The following C18orf54 variants were observed in gnomAD, a reference collection of about 807,000 sequenced individuals.
C18orf54 encodes chromosome 18 open reading frame 54.
A neutral mutation model predicts 49.3 loss-of-function variants in C18orf54; 49 were observed. The observed-to-expected ratio is 0.99, with a 90% CI of 0.79 to 1.26. The LOEUF is 1.26. C18orf54 is among the 50% of genes most tolerant of loss of function. C18orf54 has a pLI of 0.00. For synonymous variants in C18orf54, 211 were observed against 216.6 expected (o/e 0.97, Z 0.23); for missense variants, 687 against 620.6 (o/e 1.11, Z -1.14).
chr18:54,372,205 C>A (rs912184820), intron 6 of C18orf54, among the ~76,000 whole-genome samples: 1 of 151,910 alleles, frequency 6.6e-6, no homozygotes, highest in East Asian at 1.9e-4. Flanking sequence ...TAAATATAAA[C>A]GTGCACTATT....
chr18:54,362,282 G>A lies in C18orf54; in HGVS notation c.923G>A (p.Cys308Tyr). ...GTSRLINKLDCFEYAFEPSNF... is the reference protein window; with the variant it reads ...GTSRLINKLDYFEYAFEPSNF... Reference sequence around the variant, plus strand: ...TCTCGGCTTATCAATAAATTAGATTGTTTTGAATATGCTTTTGAACCCTCA... The same window carrying A: ...TCTCGGCTTATCAATAAATTAGATTATTTTGAATATGCTTTTGAACCCTCA... The change falls in exon 4 of 9, where the codon TGT becomes TAT. Residue 308 changes from cysteine to tyrosine, a missense_variant. Transcript: ENST00000620105. 1.3e-6 allele frequency: 2 copies of A among 1,536,372 alleles called. No individual in the cohort carries two copies. The highest frequency in any genetic ancestry group is 1.7e-6 in the Non-Finnish European group (2 of 1,146,932).
At chr18:54,371,774 C>CTAGA (rs2089489886) in intron 6 of C18orf54, among the ~76,000 whole-genome samples, 1 of 152,098 alleles carries the variant, frequency 6.6e-6, no homozygotes, top group South Asian at 2.1e-4. Flanking sequence ...TTACAGACAT[C>CTAGA]TGTACAGTCC....
chr18:54,361,406 A>C (rs562331480), intron 3 of C18orf54, among the ~76,000 whole-genome samples: 1 of 152,332 alleles, frequency 6.6e-6, no homozygotes, highest in African/African-American at 2.4e-5. Context: ...TAAATTAGAG[A>C]ACACAGGAAA....
intron 4 of C18orf54, 26 bp from the exon 5 acceptor site, chr18:54,362,745 G>A (rs765556175): frequency 5.7e-6 from 9 of 1,586,056 alleles, no homozygotes; most frequent in Non-Finnish European, 7.7e-6. Flanking sequence ...TTTCTTCAAG[G>A]ATTAATAGTC....
Position 54,361,787 on chromosome 18 carries a change from G to A in C18orf54, c.428G>A (p.Gly143Glu). ...GGATCATTTTCTTATACTTATGTTG[G>A]ACCGAGTCACCGAACGAGCAAGAAA... ...ADGSFSYTYV[G>E]PSHRTSKKNK... Residue 143 changes from glycine to glutamate, a missense_variant, in exon 4 of 9, where the codon GGA becomes GAA. By Grantham distance (98) the Gly-to-Glu change is moderately conservative. Transcript: ENST00000620105. 1 of 1,613,934 alleles carries A rather than the reference G, an allele frequency of 6.2e-7. No individual in the cohort carries two copies.
intron 6 of C18orf54, among the ~76,000 whole-genome samples, chr18:54,367,940 T>G (rs1323662051): frequency 1.3e-5 from 2 of 152,116 alleles, no homozygotes; most frequent in Admixed American, 6.5e-5. Flanking sequence ...AGTTCGGAGA[T>G]TCTTTTGTCT....
intron 6 of C18orf54, among the ~76,000 whole-genome samples, chr18:54,371,084 G>A (rs186713840): frequency 6.6e-6 from 1 of 151,954 alleles, no homozygotes; most frequent in Non-Finnish European, 1.5e-5. Context: ...TATCACCATC[G>A]TCCATCACCA....
chr18:54,375,418 G>T (rs2089554122), intron 8 of C18orf54, among the ~76,000 whole-genome samples: 1 of 149,820 alleles, frequency 6.7e-6, no homozygotes, highest in Non-Finnish European at 1.5e-5. Flanking sequence ...TAATGATAGT[G>T]ATGAATTATT....
intron 8 of C18orf54, 139 bp downstream of exon 8, chr18:54,374,423 A>C: frequency 2.5e-6 from 1 of 406,800 alleles, no homozygotes; most frequent in Non-Finnish European, 3.5e-6. Context: ...CACTGTTTAC[A>C]CTAAAAAACA....
At position 54,380,929 on chromosome 18, in the gene C18orf54, G is replaced by T. The variant is rs1019595614; in HGVS notation, c.*2683G>T. 1 of 152,068 alleles carries T rather than the reference G, an allele frequency of 6.6e-6. No homozygotes were observed. Among genetic ancestry groups the T allele is most frequent in the African/African-American group, 2.4e-5 (1 of 41,402 alleles). 9.4% of individuals were successfully genotyped at this position (152,068 alleles called of 1,614,324 possible). ...TATCCAGAAGTGAACTTGTCAAAAG[G>T]CAAGTAGCATGAAAGAAGACAGAAG... On this transcript the variant is annotated 3_prime_UTR_variant, in exon 9 of 9. Transcript: ENST00000620105.
Position 54,378,384 on chromosome 18 carries a change from C to T in C18orf54, c.*138C>T. The T allele has an allele frequency of 2.9e-6, 2 of 685,160 alleles. No individual in the cohort carries two copies. The highest frequency in any genetic ancestry group is 4.6e-6 in the Non-Finnish European group (2 of 435,490). The allele number at this position is 685,160 out of a possible 1,614,324, so 42.4% of individuals were successfully genotyped here. ...GTTCAAGGATTATATATTTCTAAAA[C>T]ACTAAACTTGAAAATACCCATAGGT... On this transcript the variant is annotated 3_prime_UTR_variant, in exon 9 of 9. Transcript: ENST00000620105.
rs767941097 is a variant in C18orf54 at position 54,378,372 on chromosome 18, A to G, written c.*126A>G. ...ATTTTGTGGTTGGTTCAAGGATTAT[A>G]TATTTCTAAAACACTAAACTTGAAA... On this transcript the variant is annotated 3_prime_UTR_variant, in exon 9 of 9. Transcript: ENST00000620105. 11 of 785,528 alleles carry G rather than the reference A, an allele frequency of 1.4e-5. No individual in the cohort carries two copies. The highest frequency in any genetic ancestry group is 2.9e-5 in the East Asian group (1 of 35,024). 48.7% of individuals were successfully genotyped at this position (785,528 alleles called of 1,614,324 possible). A position where few individuals can be genotyped will look rare whatever the true frequency, so the allele number is the denominator to read the frequency against.
chr18:54,363,393 C>T (rs1298179381), intron 5 of C18orf54, among the ~76,000 whole-genome samples: 1 of 152,104 alleles, frequency 6.6e-6, no homozygotes, highest in African/African-American at 2.4e-5. Flanking sequence ...TCTGGGCTCA[C>T]TGCAACCTCC....
At chr18:54,367,047 A>G (rs2089400445) in intron 6 of C18orf54, among the ~76,000 whole-genome samples, 1 of 152,086 alleles carries the variant, frequency 6.6e-6, no homozygotes, top group Non-Finnish European at 1.5e-5. Context: ...GTGTATCTTT[A>G]AAGGTGAATG....
rs1251811566 is a variant in C18orf54, at chr18:54,378,379, TA to T, written c.*137del. 1 of 709,634 alleles carries T rather than the reference TA, an allele frequency of 1.4e-6. No individual in the cohort carries two copies. The highest frequency in any genetic ancestry group is 1.8e-5 in the African/African-American group (1 of 55,156). 44.0% of individuals were successfully genotyped at this position (709,634 alleles called of 1,614,324 possible). A position where few individuals can be genotyped will look rare whatever the true frequency, so the allele number is the denominator to read the frequency against. ...GGTTGGTTCAAGGATTATATATTTC[TA>T]AAACACTAAACTTGAAAATACCCAT... On this transcript the variant is annotated 3_prime_UTR_variant, in exon 9 of 9. Coordinates refer to ENST00000620105, the MANE Select transcript of C18orf54 (RefSeq NM_001288980.2).
intron 7 of C18orf54, among the ~76,000 whole-genome samples, chr18:54,373,381 C>T (rs1703911418): frequency 1.3e-5 from 2 of 151,616 alleles, no homozygotes; most frequent in Admixed American, 1.3e-4. Context: ...AGCTAATTAC[C>T]TCACATACTT....
Position 54,361,910 on chromosome 18 carries a change from C to A in C18orf54, c.551C>A (p.Thr184Asn). ...TCCATGGGCAAGGATAACTTTGTTACTCCTGTTATACGCTCAAATATAAAT... is the reference window on the plus strand; with the variant it reads ...TCCATGGGCAAGGATAACTTTGTTAATCCTGTTATACGCTCAAATATAAAT... ...YTSMGKDNFV[T>N]PVIRSNINGK... Residue 184 changes from threonine (T) to asparagine (N), a missense_variant, in exon 4 of 9, where the codon ACT (threonine) becomes AAT (asparagine). By Grantham distance (65) the Thr-to-Asn change is moderately conservative. Coordinates refer to ENST00000620105, the MANE Select transcript of C18orf54 (RefSeq NM_001288980.2). 6.2e-7 allele frequency: 1 copy of A among 1,614,128 alleles called. No individual in the cohort carries two copies. The highest frequency in any genetic ancestry group is 1.7e-5 in the Admixed American group (1 of 60,028).
chr18:54,365,907 A>G, intron 6 of C18orf54, 86 bp downstream of exon 6: 1 of 628,560 alleles, frequency 1.6e-6, no homozygotes. Flanking sequence ...TAGATAATTT[A>G]AAGCAAAAAA....
Position 54,379,102 on chromosome 18 carries a change from G to C in C18orf54, c.*856G>C, listed in dbSNP as rs964781131. 6.6e-6 allele frequency: 1 copy of C among 152,022 alleles called. No homozygotes were observed. Among genetic ancestry groups the C allele is most frequent in the Non-Finnish European group, 1.5e-5 (1 of 67,946 alleles). 9.4% of individuals were successfully genotyped at this position (152,022 alleles called of 1,614,324 possible). Reference sequence around the variant, plus strand: ...AAAATCAGAAAGCAACTCTATTTTAGAGCTATTTTGTAAGAGTTGTGCTTT... The same window carrying C: ...AAAATCAGAAAGCAACTCTATTTTACAGCTATTTTGTAAGAGTTGTGCTTT... On this transcript the variant is annotated 3_prime_UTR_variant, in exon 9 of 9. Transcript: ENST00000620105.
Sources: allele counts gnomAD v4.1 joint callset (sites outside exome capture counted in the v4.1 genomes callset), GRCh38; gene constraint gnomAD v4.1.1; transcripts MANE v1.5; gene names NCBI Gene and HGNC (gene_info 2026-07-23, HGNC 2026-07-21).